Variants in NECAP1 observed in about 807,000 individuals in gnomAD.
The protein encoded by NECAP1 is NECAP endocytosis associated 1.
NECAP1 carries 13 observed loss-of-function variants against 33.4 expected under a neutral mutation model. The ratio of observed to expected loss-of-function variants is 0.39; its 90% CI spans 0.25 to 0.62. The LOEUF (loss-of-function observed/expected upper bound fraction) is 0.62, where lower values mean the gene tolerates loss of function less well. NECAP1 is among the 20% of genes least tolerant of loss of function. NECAP1 has a pLI of 0.52. For synonymous variants in NECAP1, 109 were observed against 125.2 expected, an observed-to-expected ratio of 0.87 and a Z score of 0.86; for missense variants, 272 against 347.4, an observed-to-expected ratio of 0.78 and a Z score of 1.73.
chr12:8,085,399 A>C (rs1188079982), intron 1 of NECAP1, among the ~76,000 whole-genome samples: 1 of 152,158 alleles, frequency 6.6e-6, no homozygotes, highest in Non-Finnish European at 1.5e-5. Context: ...CTTTATACTT[A>C]CATCAGTTAA....
At chr12:8,094,078 G>C (rs986755769) in intron 6 of NECAP1, among the ~76,000 whole-genome samples, 1 of 152,180 alleles carries the variant, frequency 6.6e-6, no homozygotes, top group Admixed American at 6.5e-5. Flanking sequence ...TTAACTTAAT[G>C]TATTGGACAG....
intron 6 of NECAP1, among the ~76,000 whole-genome samples, chr12:8,095,025 A>G (rs1947582240): frequency 6.6e-6 from 1 of 152,156 alleles, no homozygotes; most frequent in Admixed American, 6.5e-5. Context: ...CCCACTCAGC[A>G]TAATTCCCTT....
Position 8,092,788 on chromosome 12 carries a change from A to G in NECAP1, c.492+4A>G, listed in dbSNP as rs763620551. ...AACCATCAAGTTGTGTATCGGGGTG[A>G]GTATGGTTTTTAAAAATTTTGTTTT... On this transcript the variant is annotated splice_donor_region_variant and intron_variant, in intron 5 of 7. Transcript: ENST00000339754. 1.2e-6 allele frequency: 2 copies of G among 1,605,314 alleles called. No homozygotes were observed. The highest frequency in any genetic ancestry group is 1.7e-6 in the Non-Finnish European group (2 of 1,174,816).
chr12:8,091,715 G>T (rs992121633), intron 3 of NECAP1, 54 bp from the exon 4 acceptor site: 1 of 1,541,530 alleles, frequency 6.5e-7, no homozygotes, highest in Non-Finnish European at 8.9e-7. Context: ...CGGGGGTTGG[G>T]GGCTCCTGCC....
At chr12:8,090,430 C>G (rs1240451074) in intron 3 of NECAP1, 131 bp downstream of exon 3, 1 of 765,890 alleles carries the variant, frequency 1.3e-6, no homozygotes, top group Non-Finnish European at 2.1e-6. Context: ...TCTAAAGTTG[C>G]TCTAGTTGCT....
Position 8,093,021 on chromosome 12 carries a change from C to T in NECAP1, c.642C>T (p.Pro214=), listed in dbSNP as rs899203000. 1.2e-6 allele frequency: 2 copies of T among 1,614,160 alleles called. No homozygotes were observed. The highest frequency in any genetic ancestry group is 1.7e-5 in the Admixed American group (1 of 60,014). Residue 214 remains proline, a synonymous_variant, in exon 6 of 8, where the codon CCC becomes CCT. Transcript: ENST00000339754. ...TCAGCAATCATGTCACCCCACCACCCATTCCGAAATCTAACCATGGAGGCA... is the reference window on the plus strand; with the variant it reads ...TCAGCAATCATGTCACCCCACCACCTATTCCGAAATCTAACCATGGAGGCA... ...VAISNHVTPP[P]IPKSNHGGSD...
chr12:8,082,629 C>T (rs1310878422), intron 1 of NECAP1, among the ~76,000 whole-genome samples: 2 of 151,600 alleles, frequency 1.3e-5, no homozygotes, highest in Non-Finnish European at 2.9e-5. Flanking sequence ...TTATTCCACT[C>T]TGCCTCTCCC....
In NECAP1 at chr12:8,082,395, G is replaced by T; in HGVS notation, c.95+12G>T. The T allele has an allele frequency of 6.2e-7, 1 of 1,611,534 alleles. No individual in the cohort carries two copies. On this transcript the variant is annotated intron_variant, in intron 1 of 7. Coordinates refer to ENST00000339754, the MANE Select transcript of NECAP1 (RefSeq NM_015509.4). The stretch of plus-strand genomic sequence containing the variant: ...AACCGCGGTTACAGGTACTAACCCC[G>T]AGGCGCTGCCGCACACGCGTACTCT...
chr12:8,082,394 C>G lies in NECAP1; in HGVS notation c.95+11C>G, dbSNP rs1390115604. On this transcript the variant is annotated intron_variant, in intron 1 of 7. Coordinates refer to ENST00000339754, the MANE Select transcript of NECAP1 (RefSeq NM_015509.4). ...CAACCGCGGTTACAGGTACTAACCC[C>G]GAGGCGCTGCCGCACACGCGTACTC... The G allele has an allele frequency of 1.2e-6, 2 of 1,611,564 alleles. No homozygotes were observed. The highest frequency in any genetic ancestry group is 1.7e-6 in the Non-Finnish European group (2 of 1,178,192).
Position 8,092,643 on chromosome 12 carries a change from C to G in NECAP1, c.384-33C>G, listed in dbSNP as rs2231750. The G allele has an allele frequency of 0.23, 359,684 of 1,535,076 alleles. 45,634 individuals are homozygous for G. The highest frequency in any genetic ancestry group is 0.26 in the Non-Finnish European group (295,124 of 1,119,146). Reference sequence around the variant, plus strand: ...ATGTCAGACTCTGCTTTCAGGAAATCTCAAACTAAGATAACTTGCTGTGTT... The same window carrying G: ...ATGTCAGACTCTGCTTTCAGGAAATGTCAAACTAAGATAACTTGCTGTGTT... On this transcript the variant is annotated intron_variant, in intron 4 of 7. Transcript: ENST00000339754.
chr12:8,092,138 C>T lies in NECAP1; in HGVS notation c.383+288C>T, dbSNP rs1194986675. On this transcript the variant is annotated intron_variant, in intron 4 of 7. Transcript: ENST00000339754. ...GGTGGTAGAGGGAGGCCTATGGTAA[C>T]AGCAGGGCTTTATGTGGGGAGTCGT... The T allele has an allele frequency of 1.9e-5, 8 of 416,154 alleles. No homozygotes were observed. The East Asian group carries it at 3.6e-4, about 19-fold the overall frequency. 25.8% of individuals were successfully genotyped at this position (416,154 alleles called of 1,614,324 possible). A position where few individuals can be genotyped will look rare whatever the true frequency, so the allele number is the denominator to read the frequency against.
rs1947596181 is a variant in NECAP1 at position 8,096,518 on chromosome 12, T to C, written c.*428T>C. 6.4e-6 allele frequency: 1 copy of C among 155,902 alleles called. No homozygotes were observed. The highest frequency in any genetic ancestry group is 1.4e-5 in the Non-Finnish European group (1 of 70,126). 9.7% of individuals were successfully genotyped at this position (155,902 alleles called of 1,614,324 possible). A position where few individuals can be genotyped will look rare whatever the true frequency, so the allele number is the denominator to read the frequency against. On this transcript the variant is annotated 3_prime_UTR_variant, in exon 8 of 8. Transcript: ENST00000339754. ...GCAATTTCAGGGGAGTCAAAAACCTTGCAACTTCCTTCTCCACTAACCCAG... is the reference window on the plus strand; with the variant it reads ...GCAATTTCAGGGGAGTCAAAAACCTCGCAACTTCCTTCTCCACTAACCCAG...
rs775614356 is a variant in NECAP1 at position 8,092,941 on chromosome 12, C to A, written c.562C>A (p.Pro188Thr). The A allele has an allele frequency of 3.1e-6, 5 of 1,603,250 alleles. No individual in the cohort carries two copies. The Admixed American group carries it at 6.8e-5, about 22-fold the overall frequency. The change falls in exon 6 of 8, where the codon CCA becomes ACA. Residue 188 changes from proline to threonine, a missense_variant. By Grantham distance (38) the Pro-to-Thr change is conservative. Transcript: ENST00000339754. ...AAGGGGTGGGGGTCTGAGCTTACTC[C>A]CACCCCCGCCAGGAGGCAAAGTCAC... ...TARGGGLSLL[P>T]PPPGGKVTIP...
At chr12:8,085,948 A>G (rs1020952083) in intron 1 of NECAP1, among the ~76,000 whole-genome samples, 13 of 151,580 alleles carry the variant, frequency 8.6e-5, no homozygotes, top group African/African-American at 2.7e-4. Flanking sequence ...CAGGCAATCC[A>G]CCCACCTCAA....
intron 6 of NECAP1, 59 bp downstream of exon 6, chr12:8,093,114 C>T: frequency 6.6e-7 from 1 of 1,520,244 alleles, no homozygotes; most frequent in Non-Finnish European, 9.1e-7. Flanking sequence ...TAAGCAACAC[C>T]TGTTTGTCAA....
At position 8,088,549 on chromosome 12, in the gene NECAP1, G is replaced by C. The variant is rs114551498; in HGVS notation, c.96-1387G>C. 8.8e-3 allele frequency among the ~76,000 whole-genome samples: 1,333 copies of C among 152,258 alleles called. 17 individuals carry two copies. The highest frequency in any genetic ancestry group is 0.031 in the African/African-American group (1,271 of 41,556). On this transcript the variant is annotated intron_variant, in intron 1 of 7. Transcript: ENST00000339754. ...ATTGTGACTTTTCTAGATTACTGCA[G>C]TAGTCTCTTAGCTAATCCCCCTGCT...
At chr12:8,087,591 A>T (rs1271134025) in intron 1 of NECAP1, among the ~76,000 whole-genome samples, 3 of 150,512 alleles carry the variant, frequency 2.0e-5, no homozygotes, top group Non-Finnish European at 4.4e-5. Flanking sequence ...TGGGGCGATC[A>T]TAGCTCACTG....
intron 1 of NECAP1, among the ~76,000 whole-genome samples, chr12:8,086,272 T>C (rs1247513479): frequency 6.6e-6 from 1 of 152,194 alleles, no homozygotes; most frequent in Non-Finnish European, 1.5e-5. Context: ...TCCCAGACTT[T>C]CACTGACCAG....
At chr12:8,089,654 C>G (rs1171814676) in intron 1 of NECAP1, 2 of 338,136 alleles carry the variant, frequency 5.9e-6, no homozygotes, top group Non-Finnish European at 1.1e-5. Flanking sequence ...AGCCACCATG[C>G]TCGGCCAGAA....
Sources: allele counts gnomAD v4.1 joint callset (sites outside exome capture counted in the v4.1 genomes callset), GRCh38; gene constraint gnomAD v4.1.1; transcripts MANE v1.5; gene names NCBI Gene and HGNC (gene_info 2026-07-23, HGNC 2026-07-21).